The following CEP63 variants were observed in gnomAD, a reference collection of about 807,000 sequenced individuals.
CEP63 encodes centrosomal protein of 63 kDa.
Under a neutral mutation model 89.1 loss-of-function variants are expected in CEP63, and 84 were observed. That is an observed-to-expected ratio of 0.94 (90% CI 0.79 to 1.13). The LOEUF (loss-of-function observed/expected upper bound fraction) is 1.13, where lower values mean the gene tolerates loss of function less well. Among genes scored for constraint, CEP63 ranks in the 50% most tolerant of loss-of-function variants. CEP63 has a pLI of 0.00. For synonymous variants in CEP63, 267 were observed against 272.5 expected, an observed-to-expected ratio of 0.98 and a Z score of 0.20; for missense variants, 838 against 813.3, an observed-to-expected ratio of 1.03 and a Z score of -0.37.
chr3:134,650,746 G>GC, the CEP63 span: 2 of 1,318,332 alleles, frequency 1.5e-6, no homozygotes, highest in East Asian at 2.7e-5. Flanking sequence ...AGCAATGGGC[G>GC]CCCCCCGGCG....
intron 6 of CEP63, among the ~76,000 whole-genome samples, chr3:134,537,974 T>C (rs1951111581): frequency 6.6e-6 from 1 of 152,228 alleles, no homozygotes; most frequent in African/African-American, 2.4e-5. Context: ...TTTAGGAATA[T>C]GTCTTGTAAG....
At chr3:134,659,973 C>T in the CEP63 span, among the ~76,000 whole-genome samples, 1 of 152,222 alleles carries the variant, frequency 6.6e-6, no homozygotes, top group African/African-American at 2.4e-5. Flanking sequence ...CTCACGTGTG[C>T]AGGCACAGGA....
At chr3:134,570,661 G>C (rs1339332652) in intron 11 of CEP63, among the ~76,000 whole-genome samples, 1 of 152,180 alleles carries the variant, frequency 6.6e-6, no homozygotes, top group Non-Finnish European at 1.5e-5. Flanking sequence ...CCTCCAAGCT[G>C]TTCCAACCTC....
chr3:134,576,857 A>G (rs1315945535), downstream of CEP63, among the ~76,000 whole-genome samples: 1 of 134,876 alleles, frequency 7.4e-6, no homozygotes, highest in African/African-American at 2.8e-5. Context: ...GAGGAACTAA[A>G]ACTTGGCTCC....
the CEP63 span, among the ~76,000 whole-genome samples, chr3:134,707,693 A>G: frequency 6.6e-6 from 1 of 150,636 alleles, no homozygotes; most frequent in Non-Finnish European, 1.5e-5. Context: ...AGCAGGATAA[A>G]TGCACCCCTG....
chr3:134,750,225 G>A, the CEP63 span, among the ~76,000 whole-genome samples: 1 of 152,204 alleles, frequency 6.6e-6, no homozygotes, highest in African/African-American at 2.4e-5. Context: ...TGTTGAGCAA[G>A]GCTGTCTGGT....
intron 1 of CEP63, chr3:134,486,637 C>G: frequency 9.3e-6 from 7 of 748,722 alleles, no homozygotes; most frequent in Non-Finnish European, 1.1e-5. Flanking sequence ...CCAGTGCGGC[C>G]TCCCTGCCAG....
chr3:134,545,545 C>G lies in CEP63; in HGVS notation c.556-41C>G, dbSNP rs577789709. On this transcript the variant is annotated intron_variant, in intron 6 of 14. Transcript: ENST00000675561. ...TAGTCTTATTCATTGATTATTTTATCATTTCCCTTTTACCTATTGATTGAT... is the reference window on the plus strand; with the variant it reads ...TAGTCTTATTCATTGATTATTTTATGATTTCCCTTTTACCTATTGATTGAT... 31 of 1,364,606 alleles carry G rather than the reference C, an allele frequency of 2.3e-5. No individual in the cohort carries two copies. The South Asian group carries it at 3.5e-4, about 15-fold the overall frequency. The allele number at this position is 1,364,606 out of a possible 1,614,324, so 84.5% of individuals were successfully genotyped here. A position where few individuals can be genotyped will look rare whatever the true frequency, so the allele number is the denominator to read the frequency against.
At chr3:134,571,118 C>G (rs1957990856) in intron 11 of CEP63, among the ~76,000 whole-genome samples, 1 of 152,218 alleles carries the variant, frequency 6.6e-6, no homozygotes, top group Non-Finnish European at 1.5e-5. Context: ...CAAATCACAT[C>G]AAGTGTTTTT....
chr3:134,552,044 A>G (rs9821505), intron 12 of CEP63, 32 bp downstream of exon 12: 2 of 1,158,034 alleles, frequency 1.7e-6, no homozygotes, highest in East Asian at 4.7e-5. Flanking sequence ...TTTTTCTACT[A>G]TCCAAGCCTT....
chr3:134,607,126 G>T, the CEP63 span: 12 of 985,272 alleles, frequency 1.2e-5, no homozygotes, highest in African/African-American at 1.7e-5. Flanking sequence ...GCTTTGACCT[G>T]GTCAGTTCTT....
chr3:134,635,749 T>C, the CEP63 span, among the ~76,000 whole-genome samples: 2 of 151,778 alleles, frequency 1.3e-5, no homozygotes, highest in African/African-American at 4.8e-5. Context: ...AAAATAAAAA[T>C]AAAAGCAAAA....
At chr3:134,636,889 C>T in the CEP63 span, among the ~76,000 whole-genome samples, 1 of 152,048 alleles carries the variant, frequency 6.6e-6, no homozygotes, top group Non-Finnish European at 1.5e-5. Context: ...ATTTTAAATT[C>T]TTATTTTGTG....
the CEP63 span, among the ~76,000 whole-genome samples, chr3:134,636,320 G>T: frequency 6.6e-6 from 1 of 152,218 alleles, no homozygotes; most frequent in African/African-American, 2.4e-5. Flanking sequence ...GTCACAAAGT[G>T]CAATTCCTCC....
intron 6 of CEP63, 121 bp downstream of exon 6, chr3:134,537,389 C>G: frequency 1.4e-6 from 1 of 703,988 alleles, no homozygotes; most frequent in South Asian, 1.5e-5. Flanking sequence ...GAACCCTGCT[C>G]TCTTGTTTAG....
At chr3:134,739,342 A>G in the CEP63 span, among the ~76,000 whole-genome samples, 5 of 152,232 alleles carry the variant, frequency 3.3e-5, no homozygotes, top group African/African-American at 7.2e-5. Context: ...TGCTGTAGGT[A>G]TAAATTAGTT....
the CEP63 span, among the ~76,000 whole-genome samples, chr3:134,759,100 C>T: frequency 3.9e-5 from 6 of 152,182 alleles, no homozygotes; most frequent in Non-Finnish European, 5.9e-5. Flanking sequence ...GAAACAGATT[C>T]TCCCCTAGAG....
At chr3:134,769,035 C>T in the CEP63 span, among the ~76,000 whole-genome samples, 9 of 152,148 alleles carry the variant, frequency 5.9e-5, no homozygotes, top group African/African-American at 1.4e-4. Context: ...CTGAAGGAAC[C>T]GGTCAGGCCA....
At chr3:134,778,637 C>T in the CEP63 span, among the ~76,000 whole-genome samples, 1 of 152,154 alleles carries the variant, frequency 6.6e-6, no homozygotes. Flanking sequence ...CTGCTCACTG[C>T]AAGCTCTGCC....
Sources: gnomAD v4.1 joint callset for allele counts (sites outside exome capture counted in the v4.1 genomes callset) on GRCh38, gnomAD v4.1.1 for gene constraint, MANE v1.5 for transcripts, NCBI Gene and HGNC (gene_info 2026-07-23, HGNC 2026-07-21) for gene names.